DYM: variants seen among roughly 807,000 people sequenced by gnomAD.
DYM encodes the protein dymeclin.
Under a neutral mutation model 93.1 loss-of-function variants are expected in DYM, and 78 were observed. The observed-to-expected ratio is 0.84, with a 90% CI of 0.70 to 1.01. The LOEUF is 1.01. Ranked by LOEUF, DYM falls within the 50% of genes least tolerant of loss-of-function variation. The pLI, the probability that DYM is intolerant of heterozygous loss-of-function variation, is 0.00. For missense variants in DYM, 789 were observed against 845.0 expected (o/e 0.93, Z 0.82); for synonymous variants, 321 against 319.7 (o/e 1.00, Z -0.04).
intron 8 of DYM, among the ~76,000 whole-genome samples, chr18:49,297,363 G>C (rs2060626712): frequency 6.6e-6 from 1 of 152,168 alleles, no homozygotes; most frequent in South Asian, 2.1e-4. Context: ...TCAAAACCAT[G>C]CAAGACTAAC....
intron 14 of DYM, among the ~76,000 whole-genome samples, chr18:49,192,083 C>G (rs1451160424): frequency 6.6e-6 from 1 of 150,432 alleles, no homozygotes; most frequent in East Asian, 2.0e-4. Context: ...TATGTGCCAC[C>G]ATGCCTGGCT....
intron 13 of DYM, among the ~76,000 whole-genome samples, chr18:49,214,304 G>T (rs1481226503): frequency 2.0e-5 from 3 of 152,170 alleles, no homozygotes; most frequent in Admixed American, 6.5e-5. Flanking sequence ...ATCAGTGGTG[G>T]CATTAGATTC....
chr18:49,081,347 T>C (rs1038546527), intron 17 of DYM, among the ~76,000 whole-genome samples: 1 of 151,270 alleles, frequency 6.6e-6, no homozygotes, highest in African/African-American at 2.4e-5. Flanking sequence ...ACCAAAAAAG[T>C]ACGAAAACCA....
intron 15 of DYM, among the ~76,000 whole-genome samples, chr18:49,158,390 C>T (rs972651953): frequency 1.3e-5 from 2 of 152,158 alleles, no homozygotes; most frequent in African/African-American, 4.8e-5. Flanking sequence ...GTTATCATCA[C>T]TAGAATAAAT....
At chr18:49,362,769 A>G (rs1449398655) in intron 6 of DYM, among the ~76,000 whole-genome samples, 5 of 152,222 alleles carry the variant, frequency 3.3e-5, no homozygotes, top group Non-Finnish European at 7.3e-5. Flanking sequence ...CCTGGCTTCA[A>G]AAGAGGCTGG....
chr18:49,115,465 T>C (rs1466092178), intron 16 of DYM, among the ~76,000 whole-genome samples: 1 of 152,178 alleles, frequency 6.6e-6, no homozygotes, highest in Non-Finnish European at 1.5e-5. Context: ...CAGGTGACTA[T>C]CTTTAAACAT....
At position 49,452,754 on chromosome 18, in the gene DYM, G is replaced by C. The variant is rs540754853; in HGVS notation, c.-54+7644C>G. ...GCTGAGGAGTGCAGGCGCACAGCGC[G>C]GGACTGGCAGGCAGCTCTGCCTGCG... On this transcript the variant is annotated intron_variant, in intron 1 of 17. Transcript: ENST00000675505. 1.5e-5 allele frequency among the ~76,000 whole-genome samples: 2 copies of C among 136,782 alleles called. 1 individual carries two copies. Among genetic ancestry groups the C allele is most frequent in the African/African-American group, 5.7e-5 (2 of 35,282 alleles). 89.7% of individuals were successfully genotyped at this position (136,782 alleles called of 152,430 possible).
At chr18:49,220,154 A>C (rs2093287226) in intron 13 of DYM, among the ~76,000 whole-genome samples, 1 of 152,192 alleles carries the variant, frequency 6.6e-6, no homozygotes, top group Non-Finnish European at 1.5e-5. Flanking sequence ...CCCATTCACA[A>C]TTGCTTCAAA....
intron 8 of DYM, among the ~76,000 whole-genome samples, chr18:49,316,762 C>T (rs1231824360): frequency 6.7e-6 from 1 of 150,030 alleles, no homozygotes; most frequent in Non-Finnish European, 1.5e-5. Context: ...TTTACTATCT[C>T]TCTTTTTTTT....
chr18:49,362,354 C>G (rs2066106859), intron 6 of DYM, among the ~76,000 whole-genome samples: 2 of 152,190 alleles, frequency 1.3e-5, no homozygotes, highest in South Asian at 4.1e-4. Context: ...TTAAAAGCAA[C>G]AAATGAGATG....
intron 7 of DYM, among the ~76,000 whole-genome samples, chr18:49,333,260 A>G (rs1374653674): frequency 2.0e-5 from 3 of 152,220 alleles, no homozygotes; most frequent in Non-Finnish European, 4.4e-5. Context: ...TGCCTGGCAC[A>G]TGGATAGCAC....
chr18:49,243,988 A>C lies in DYM; in HGVS notation c.1460+13022T>G, dbSNP rs2094103613. Among the ~76,000 whole-genome samples, 2 of 152,222 alleles carry C rather than the reference A, an allele frequency of 1.3e-5. 1 individual carries two copies. The highest frequency in any genetic ancestry group is 4.1e-4 in the South Asian group (2 of 4,826). On this transcript the variant is annotated intron_variant, in intron 13 of 17. Transcript: ENST00000675505. ...ATCTTCATGTTTGACTAATGAAGAAAGCAGGCACATTTTAGATTTTTTTTT... is the reference window on the plus strand; with the variant it reads ...ATCTTCATGTTTGACTAATGAAGAACGCAGGCACATTTTAGATTTTTTTTT...
At chr18:49,408,400 T>C (rs1350166983) in intron 2 of DYM, among the ~76,000 whole-genome samples, 1 of 152,232 alleles carries the variant, frequency 6.6e-6, no homozygotes, top group Non-Finnish European at 1.5e-5. Flanking sequence ...TCTCCACATA[T>C]ATTTCTGAAC....
At chr18:49,275,653 G>A (rs2094831040) in intron 10 of DYM, among the ~76,000 whole-genome samples, 2 of 152,104 alleles carry the variant, frequency 1.3e-5, no homozygotes, top group South Asian at 2.1e-4. Context: ...AATGTGGGAG[G>A]ATTGCTTGAG....
chr18:49,085,606 C>CTCTTTTTTT (rs2078439340), intron 17 of DYM, among the ~76,000 whole-genome samples: 1 of 102,156 alleles, frequency 9.8e-6, no homozygotes, highest in Non-Finnish European at 2.0e-5. Flanking sequence ...ACAACTGGTC[C>CTCTTTTTTT]TTTTTTTTTT....
At chr18:49,170,149 G>A (rs1177735038) in intron 14 of DYM, among the ~76,000 whole-genome samples, 3 of 152,260 alleles carry the variant, frequency 2.0e-5, no homozygotes, top group Middle Eastern at 3.4e-3. Flanking sequence ...AACCATGTGA[G>A]GTAGGTCCTA....
chr18:49,075,300 C>T (rs1418699198), intron 17 of DYM, among the ~76,000 whole-genome samples: 1 of 152,064 alleles, frequency 6.6e-6, no homozygotes, highest in Non-Finnish European at 1.5e-5. Context: ...GTGTGCAGCC[C>T]CTGAGGAGGA....
chr18:49,146,758 T>A (rs1199745239), intron 15 of DYM, among the ~76,000 whole-genome samples: 1 of 152,230 alleles, frequency 6.6e-6, no homozygotes, highest in Admixed American at 6.5e-5. Context: ...ATTGTGATAA[T>A]GGCCATACTG....
intron 15 of DYM, among the ~76,000 whole-genome samples, chr18:49,154,287 T>G (rs2144807766): frequency 6.6e-6 from 1 of 152,312 alleles, no homozygotes; most frequent in Middle Eastern, 3.4e-3. Context: ...AGATTGTTAT[T>G]AAAGTTAACA....
Sources: allele counts gnomAD v4.1 joint callset (sites outside exome capture counted in the v4.1 genomes callset), GRCh38; gene constraint gnomAD v4.1.1; transcripts MANE v1.5; gene names NCBI Gene and HGNC (gene_info 2026-07-23, HGNC 2026-07-21).